The following RASGEF1B variants were observed in gnomAD, a reference collection of about 807,000 sequenced individuals.
The protein encoded by RASGEF1B is RasGEF domain family member 1B, also known as ras-GEF domain-containing family member 1B.
In RASGEF1B, 30 loss-of-function variants were observed where a neutral mutation model predicts 65.7. That is an observed-to-expected ratio of 0.46 (90% CI 0.34 to 0.62). The LOEUF (loss-of-function observed/expected upper bound fraction) is 0.62. Ranked by LOEUF, RASGEF1B falls within the 20% of genes least tolerant of loss-of-function variation. RASGEF1B has a pLI of 0.01. For missense variants in RASGEF1B, 495 were observed against 580.1 expected (o/e 0.85, Z 1.51); for synonymous variants, 175 against 194.8 (o/e 0.90, Z 0.85).
At chr4:81,452,698 T>A (rs1230636252) in intron 4 of RASGEF1B, 1 of 152,228 alleles carries the variant, frequency 6.6e-6, no homozygotes, top group African/African-American at 2.4e-5. Context: ...TATTCTTTTT[T>A]ATAACTTCAA....
At position 81,445,598 on chromosome 4, in the gene RASGEF1B, T is replaced by G. The variant is rs1015864395; in HGVS notation, c.856A>C (p.Ile286Leu). The G allele has an allele frequency of 5.6e-6, 9 of 1,613,934 alleles. No homozygotes were observed. The African/African-American group carries it at 1.1e-4, about 19-fold the overall frequency. The change falls in exon 8 of 14, where the codon ATT becomes CTT. Residue 286 changes from isoleucine (I) to leucine (L), a missense_variant. By Grantham distance (5) the Ile-to-Leu change is conservative (BLOSUM62 2). Transcript: ENST00000264400. ...PVKKKHRARM[I>L]EYFIDVAREC... ...CGAGCTACGTCAATGAAATACTCAATCATTCTTGCTCGGTGTTTTTTCTTA... is the reference window on the plus strand; with the variant it reads ...CGAGCTACGTCAATGAAATACTCAAGCATTCTTGCTCGGTGTTTTTTCTTA...
In RASGEF1B at chr4:81,466,956, GA is replaced by G. The variant is rs998261950; in HGVS notation, c.-7+4813del. 4.0e-4 allele frequency among the ~76,000 whole-genome samples: 49 copies of G among 121,838 alleles called. 1 individual carries two copies. The highest frequency in any genetic ancestry group is 4.8e-3 in the Middle Eastern group (1 of 208). 79.9% of individuals were successfully genotyped at this position (121,838 alleles called of 152,430 possible). On this transcript the variant is annotated intron_variant, in intron 1 of 13. Coordinates refer to ENST00000264400, the MANE Select transcript of RASGEF1B (RefSeq NM_152545.3). Reference sequence around the variant, plus strand: ...CCTCCTTAAAAAAAAAAAAAAAAAAGAAAAAAAAGGTATTGTATTGAGAGGG... The same window carrying G: ...CCTCCTTAAAAAAAAAAAAAAAAAAGAAAAAAAGGTATTGTATTGAGAGGG...
chr4:81,434,863 G>A (rs367558725), intron 10 of RASGEF1B, 129 bp from the exon 11 acceptor site: 21 of 625,924 alleles, frequency 3.4e-5, no homozygotes, highest in East Asian at 2.2e-4. Flanking sequence ...AAGGTACAGT[G>A]TTTTGTTTCT....
intron 7 of RASGEF1B, 44 bp from the exon 8 acceptor site, chr4:81,445,672 G>T (rs749545922): frequency 2.5e-6 from 4 of 1,579,052 alleles, no homozygotes; most frequent in Non-Finnish European, 3.5e-6. Flanking sequence ...CAGTATGAAG[G>T]CCCAACAGTT....
chr4:81,430,029 T>G (rs1470314490), intron 13 of RASGEF1B, among the ~76,000 whole-genome samples: 1 of 152,196 alleles, frequency 6.6e-6, no homozygotes, highest in East Asian at 1.9e-4. Flanking sequence ...AATAAAACTT[T>G]GCACTCTCAC....
chr4:81,443,831 C>T (rs1721930303), intron 8 of RASGEF1B, among the ~76,000 whole-genome samples: 1 of 152,134 alleles, frequency 6.6e-6, no homozygotes, highest in Non-Finnish European at 1.5e-5. Flanking sequence ...ATATGTTTAA[C>T]CTTATAAGAA....
Position 81,433,900 on chromosome 4 carries a change from A to G in RASGEF1B, c.1264T>C (p.Phe422Leu). ...TGCAAGATCTTCCGGTCCCTCTCAA[A>G]TGGACACTCCACTTGTTTCCATGTC... is the stretch of plus-strand genomic sequence containing the variant. The part of the protein sequence containing the change: ...FMTWKQVECP[F>L]ERDRKILQYL... The change falls in exon 12 of 14, where the codon TTT becomes CTT. Residue 422 changes from phenylalanine (F) to leucine (L), a missense_variant. Coordinates refer to ENST00000264400, the MANE Select transcript of RASGEF1B (RefSeq NM_152545.3). 6.2e-7 allele frequency: 1 copy of G among 1,613,986 alleles called. No individual in the cohort carries two copies. Among genetic ancestry groups the G allele is most frequent in the Non-Finnish European group, 8.5e-7 (1 of 1,179,864 alleles).
Position 81,448,286 on chromosome 4 carries a change from T to C in RASGEF1B, c.439-2A>G. ...CTGGACATTCTTTCTGTATGTCTGC[T>C]AGGGAATAAGCGAAGAATTACATCC... On this transcript the variant is annotated splice_acceptor_variant, in intron 4 of 13. Coordinates refer to ENST00000264400, the MANE Select transcript of RASGEF1B (RefSeq NM_152545.3). LOFTEE classifies it high-confidence loss of function. 2 of 1,611,038 alleles carry C rather than the reference T, an allele frequency of 1.2e-6. No individual in the cohort carries two copies. The highest frequency in any genetic ancestry group is 1.7e-6 in the Non-Finnish European group (2 of 1,178,774).
intron 1 of RASGEF1B, among the ~76,000 whole-genome samples, chr4:81,465,096 A>AAAAAAAAAAAAAAAAAAG (rs1314548474): frequency 6.6e-6 from 1 of 151,924 alleles, no homozygotes; most frequent in African/African-American, 2.4e-5. Flanking sequence ...AAAAAAAAAA[A>AAAAAAAAAAAAAAAAAAG]AAAGAAAGAA....
chr4:81,459,522 G>A lies in RASGEF1B; in HGVS notation c.-6-8C>T. ...AGTCTGAGGCATACTTTCCTAAAAG[G>A]AATAAAAAAGAAGAAAAAATAATGT... On this transcript the variant is annotated splice_region_variant and splice_polypyrimidine_tract_variant and intron_variant, in intron 1 of 13. Transcript: ENST00000264400. 2 of 1,539,526 alleles carry A rather than the reference G, an allele frequency of 1.3e-6. No individual in the cohort carries two copies. Among genetic ancestry groups the A allele is most frequent in the Non-Finnish European group, 1.7e-6 (2 of 1,146,040 alleles).
chr4:81,432,339 G>T lies in RASGEF1B; in HGVS notation c.1357C>A (p.Pro453Thr), dbSNP rs1164949692. The T allele has an allele frequency of 6.2e-7, 1 of 1,610,116 alleles. No individual in the cohort carries two copies. The highest frequency in any genetic ancestry group is 1.1e-5 in the South Asian group (1 of 90,674). The change falls in exon 13 of 14, where the codon CCT becomes ACT. Residue 453 changes from proline (P) to threonine (T), a missense_variant. Coordinates refer to ENST00000264400, the MANE Select transcript of RASGEF1B (RefSeq NM_152545.3). The part of the protein sequence containing the change: ...LYLASYESEG[P>T]ENHIEKDRWK... ...CTGTCTTTCTCTATATGATTTTCAG[G>T]TCCTTCACTCTCATAAGAAGCCAAG...
chr4:81,446,097 G>A (rs748771146), intron 6 of RASGEF1B, among the ~76,000 whole-genome samples: 7 of 152,198 alleles, frequency 4.6e-5, no homozygotes, highest in Admixed American at 2.0e-4. Flanking sequence ...TCCTTAGGCC[G>A]GGCGTGGTGG....
intron 13 of RASGEF1B, among the ~76,000 whole-genome samples, chr4:81,429,360 T>C (rs989462489): frequency 6.6e-6 from 1 of 152,198 alleles, no homozygotes; most frequent in Admixed American, 6.5e-5. Flanking sequence ...GTGGAAACTG[T>C]CTTTTATACC....
chr4:81,459,106 T>A (rs1457221885), intron 2 of RASGEF1B: 4 of 448,534 alleles, frequency 8.9e-6, no homozygotes, highest in Non-Finnish European at 1.6e-5. Context: ...CCATCTACAA[T>A]GTTGTAACTA....
intron 10 of RASGEF1B, among the ~76,000 whole-genome samples, chr4:81,440,331 C>T (rs6822860): frequency 0.02 from 3,022 of 152,266 alleles, 114 homozygotes; most frequent in African/African-American, 0.069. Context: ...ATTTCTCAGA[C>T]ATGACCCCTG....
At chr4:81,433,781 T>G in intron 12 of RASGEF1B, 59 bp downstream of exon 12, 1 of 1,586,876 alleles carries the variant, frequency 6.3e-7, no homozygotes, top group Non-Finnish European at 8.6e-7. Context: ...ATTTCTATAC[T>G]AATTTCCTAA....
At chr4:81,438,264 A>G (rs1378821841) in intron 10 of RASGEF1B, among the ~76,000 whole-genome samples, 2 of 152,248 alleles carry the variant, frequency 1.3e-5, no homozygotes, top group Non-Finnish European at 1.5e-5. Context: ...TGGAAGACAC[A>G]TTTGGTTTGT....
chr4:81,437,713 C>A (rs1721679428), intron 10 of RASGEF1B, among the ~76,000 whole-genome samples: 1 of 152,172 alleles, frequency 6.6e-6, no homozygotes, highest in Admixed American at 6.5e-5. Context: ...ATCACTCTTT[C>A]ATAGAAATAG....
chr4:81,448,258 T>A lies in RASGEF1B; in HGVS notation c.465A>T (p.Gln155His), dbSNP rs1163236162. 6.2e-7 allele frequency: 1 copy of A among 1,612,774 alleles called. No homozygotes were observed. Among genetic ancestry groups the A allele is most frequent in the Non-Finnish European group, 8.5e-7 (1 of 1,180,016 alleles). Residue 155 changes from glutamine to histidine, a missense_variant, in exon 5 of 14, where the codon CAA becomes CAT. Transcript: ENST00000264400. Reference protein sequence around the residue: ...EEQTYRKNVQQMMQCLIRKLA... With the variant: ...EEQTYRKNVQHMMQCLIRKLA... ...GCTTGCGGATCAGACACTGCATCATTTGCTGGACATTCTTTCTGTATGTCT... is the reference window on the plus strand; with the variant it reads ...GCTTGCGGATCAGACACTGCATCATATGCTGGACATTCTTTCTGTATGTCT...
Sources: gnomAD v4.1 joint callset for allele counts (sites outside exome capture counted in the v4.1 genomes callset) on GRCh38, gnomAD v4.1.1 for gene constraint, MANE v1.5 for transcripts, NCBI Gene and HGNC (gene_info 2026-07-23, HGNC 2026-07-21) for gene names.